CNOT8: variants seen among roughly 807,000 people sequenced by gnomAD.
The protein encoded by CNOT8 is CAF1-like protein.
CNOT8 carries 18 observed loss-of-function variants against 34.6 expected under a neutral mutation model. The observed-to-expected ratio is 0.52, with a 90% CI of 0.36 to 0.77. The LOEUF (loss-of-function observed/expected upper bound fraction) is 0.77. CNOT8 is among the 30% of genes least tolerant of loss of function. The probability of loss-of-function intolerance (pLI) is 0.00; values close to 1 mark genes in which losing one functional copy is unlikely to be tolerated. For synonymous variants in CNOT8, 101 were observed against 118.8 expected, an observed-to-expected ratio of 0.85 and a Z score of 0.98; for missense variants, 189 against 347.9, an observed-to-expected ratio of 0.54 and a Z score of 3.63.
At chr5:154,869,662 G>A (rs1357147266) in intron 3 of CNOT8, among the ~76,000 whole-genome samples, 1 of 136,758 alleles carries the variant, frequency 7.3e-6, no homozygotes, top group Non-Finnish European at 1.5e-5. Context: ...GTCTCGCTCT[G>A]TCATCAGGCT....
At position 154,861,026 on chromosome 5, in the gene CNOT8, C is replaced by T. The variant is rs890305962; in HGVS notation, c.-72-2181C>T. Among the ~76,000 whole-genome samples the T allele has an allele frequency of 3.3e-5, 5 of 152,008 alleles. No homozygotes were observed. The South Asian group carries it at 8.3e-4, about 25-fold the overall frequency. The stretch of plus-strand genomic sequence containing the variant: ...AGTTATGGTTATGTTTGAAATGACA[C>T]CAAAAATGAAGGGTATTATTTCAGT... On this transcript the variant is annotated intron_variant, in intron 1 of 6. Coordinates refer to ENST00000285896, the MANE Select transcript of CNOT8 (RefSeq NM_001301073.2).
chr5:154,869,106 A>G (rs1176678566), intron 3 of CNOT8, among the ~76,000 whole-genome samples: 2 of 151,778 alleles, frequency 1.3e-5, no homozygotes, highest in African/African-American at 4.8e-5. Flanking sequence ...CTGTGCCTCA[A>G]TATTTTTTTG....
At chr5:154,869,156 G>T (rs545017483) in intron 3 of CNOT8, among the ~76,000 whole-genome samples, 1 of 151,682 alleles carries the variant, frequency 6.6e-6, no homozygotes, top group African/African-American at 2.4e-5. Flanking sequence ...TTTCGCTCCT[G>T]TTGCCCAGGC....
At chr5:154,875,005 C>CT (rs1041583952) in intron 6 of CNOT8, among the ~76,000 whole-genome samples, 1 of 151,904 alleles carries the variant, frequency 6.6e-6, no homozygotes, top group African/African-American at 2.4e-5. Flanking sequence ...CACCCTCTGC[C>CT]TCCTGGGCGC....
rs569490142 is a variant in CNOT8 at position 154,876,443 on chromosome 5, C to T, written c.*1004C>T. On this transcript the variant is annotated 3_prime_UTR_variant, in exon 7 of 7. Transcript: ENST00000285896. ...GCTAGAGTGGTTACATTTAATCAGG[C>T]AGTAAGATAATTTGGGTTCTTGAGT... The T allele has an allele frequency of 1.3e-5, 2 of 152,332 alleles. No homozygotes were observed. Among genetic ancestry groups the T allele is most frequent in the South Asian group, 4.1e-4 (2 of 4,830 alleles). 9.4% of individuals were successfully genotyped at this position (152,332 alleles called of 1,614,324 possible).
chr5:154,875,307 C>T lies in CNOT8; in HGVS notation c.747C>T (p.Ser249=). ...FRMKELFFED[S]IDDAKYCGRL... ...TTCTGCAGTTGTTTTTTGAGGACAG[C>T]ATTGATGATGCCAAGTACTGTGGGC... Residue 249 remains serine (S), a synonymous_variant, in exon 7 of 7, where the codon AGC becomes AGT. Transcript: ENST00000285896. The T allele has an allele frequency of 6.2e-7, 1 of 1,614,036 alleles. No individual in the cohort carries two copies. The highest frequency in any genetic ancestry group is 8.5e-7 in the Non-Finnish European group (1 of 1,179,974).
intron 5 of CNOT8, 93 bp downstream of exon 5, chr5:154,871,967 GA>G: frequency 9.5e-7 from 1 of 1,056,596 alleles, no homozygotes; most frequent in Non-Finnish European, 1.4e-6. Flanking sequence ...ATGCATTTTT[GA>G]GTACTAGATG....
chr5:154,864,581 G>A (rs1582585418), intron 2 of CNOT8, among the ~76,000 whole-genome samples: 1 of 152,012 alleles, frequency 6.6e-6, no homozygotes, highest in East Asian at 1.9e-4. Context: ...TCACTTCCCT[G>A]TATTTGTATT....
chr5:154,873,098 G>A (rs927518242), intron 6 of CNOT8, among the ~76,000 whole-genome samples: 2 of 152,060 alleles, frequency 1.3e-5, no homozygotes, highest in African/African-American at 4.8e-5. Context: ...TAGACACGGG[G>A]TTTCACTATG....
intron 3 of CNOT8, among the ~76,000 whole-genome samples, chr5:154,869,017 T>G (rs534500722): frequency 2.2e-4 from 33 of 152,308 alleles, no homozygotes. Context: ...CTGGCCATGG[T>G]GGCGGTGTCT....
rs1012846917 is a variant in CNOT8 at position 154,858,644 on chromosome 5, G to A, written c.-197G>A. ...ACTGGCTCGTTCGGTTCTAGGAGCA[G>A]ATCCGGGGTAGAGGGAAAAGAGCTC... On this transcript the variant is annotated 5_prime_UTR_variant, in exon 1 of 7. Transcript: ENST00000285896. 6.6e-6 allele frequency: 1 copy of A among 152,194 alleles called. No homozygotes were observed. Among genetic ancestry groups the A allele is most frequent in the Non-Finnish European group, 1.5e-5 (1 of 68,044 alleles). The allele number at this position is 152,194 out of a possible 1,614,324, so 9.4% of individuals were successfully genotyped here. A position where few individuals can be genotyped will look rare whatever the true frequency, so the allele number is the denominator to read the frequency against.
intron 3 of CNOT8, among the ~76,000 whole-genome samples, chr5:154,869,709 C>G (rs1208619425): frequency 1.3e-5 from 2 of 150,540 alleles, no homozygotes; most frequent in African/African-American, 4.9e-5. Context: ...ACTACAACCT[C>G]TGCCTCCCAG....
chr5:154,864,064 GCT>G (rs1761620892), intron 2 of CNOT8, among the ~76,000 whole-genome samples: 1 of 152,138 alleles, frequency 6.6e-6, no homozygotes. Context: ...ACGGGCATGT[GCT>G]CTCTGTTTTA....
intron 1 of CNOT8, among the ~76,000 whole-genome samples, chr5:154,861,209 C>T (rs1021975825): frequency 1.2e-4 from 18 of 152,296 alleles, no homozygotes; most frequent in African/African-American, 3.6e-4. Flanking sequence ...ATTTACTCCA[C>T]ATTCATTCTG....
intron 1 of CNOT8, among the ~76,000 whole-genome samples, chr5:154,861,867 G>A (rs1395594211): frequency 4.6e-5 from 7 of 152,072 alleles, no homozygotes; most frequent in Non-Finnish European, 1.0e-4. Flanking sequence ...GCCAGCCAAC[G>A]TTTTGTATTT....
At chr5:154,864,135 AG>A (rs1761626939) in intron 2 of CNOT8, among the ~76,000 whole-genome samples, 1 of 152,054 alleles carries the variant, frequency 6.6e-6, no homozygotes, top group African/African-American at 2.4e-5. Flanking sequence ...CCTTTACATT[AG>A]CTGCTTGGAG....
At position 154,876,549 on chromosome 5, in the gene CNOT8, GTATTTTT is replaced by G. The variant is rs1374560327; in HGVS notation, c.*1112_*1118del. 1 of 152,472 alleles carries G rather than the reference GTATTTTT, an allele frequency of 6.6e-6. No homozygotes were observed. Among genetic ancestry groups the G allele is most frequent in the Non-Finnish European group, 1.5e-5 (1 of 68,004 alleles). The allele number at this position is 152,472 out of a possible 1,614,324, so 9.4% of individuals were successfully genotyped here. ...AAGCTAGTCATTTCAAAAGCATATTGTATTTTTTTGAATGACTACAGTATGGACAATT... is the reference window on the plus strand; with the variant it reads ...AAGCTAGTCATTTCAAAAGCATATTGTTGAATGACTACAGTATGGACAATT... On this transcript the variant is annotated 3_prime_UTR_variant, in exon 7 of 7. Coordinates refer to ENST00000285896, the MANE Select transcript of CNOT8 (RefSeq NM_001301073.2).
intron 4 of CNOT8, 110 bp downstream of exon 4, chr5:154,870,932 C>A: frequency 1.1e-6 from 1 of 917,474 alleles, no homozygotes; most frequent in Non-Finnish European, 1.6e-6. Context: ...TCAGCAGCAG[C>A]AGCCAGAAGT....
chr5:154,865,456 G>C (rs980192051), intron 3 of CNOT8, 71 bp downstream of exon 3: 1 of 1,094,754 alleles, frequency 9.1e-7, no homozygotes, highest in African/African-American at 1.6e-5. Flanking sequence ...GTGTTGGATA[G>C]AGCGGTCAAG....
Sources: allele counts gnomAD v4.1 joint callset (sites outside exome capture counted in the v4.1 genomes callset), GRCh38; gene constraint gnomAD v4.1.1; transcripts MANE v1.5; gene names NCBI Gene and HGNC (gene_info 2026-07-23, HGNC 2026-07-21).